ATF7IP2: variants seen among roughly 807,000 people sequenced by gnomAD.
ATF7IP2 encodes activating transcription factor 7 interacting protein 2.
Under a neutral mutation model 64.2 loss-of-function variants are expected in ATF7IP2, and 42 were observed. That is an observed-to-expected ratio of 0.65 (90% CI 0.51 to 0.85). The LOEUF is 0.85. Among genes scored for constraint, ATF7IP2 ranks in the 40% least tolerant of loss-of-function variants. ATF7IP2 has a pLI of 0.00. For synonymous variants in ATF7IP2, 308 were observed against 272.8 expected (o/e 1.13, Z -1.27); for missense variants, 933 against 784.2 (o/e 1.19, Z -2.27).
intron 1 of ATF7IP2, among the ~76,000 whole-genome samples, chr16:10,401,571 C>T (rs2047535717): frequency 1.3e-5 from 2 of 151,962 alleles, no homozygotes; most frequent in Non-Finnish European, 2.9e-5. Flanking sequence ...TCTTTTTTTG[C>T]TGTGTCCTTG....
chr16:10,434,408 C>T (rs150717422), intron 6 of ATF7IP2, among the ~76,000 whole-genome samples: 1 of 152,024 alleles, frequency 6.6e-6, no homozygotes, highest in African/African-American at 2.4e-5. Flanking sequence ...TGTAATGGAC[C>T]GAAATTTCCC....
At chr16:10,407,508 C>G (rs557744922) in intron 1 of ATF7IP2, among the ~76,000 whole-genome samples, 2 of 152,222 alleles carry the variant, frequency 1.3e-5, no homozygotes, top group Non-Finnish European at 2.9e-5. Flanking sequence ...ACTAGTAATA[C>G]TGATAAATTG....
Position 10,441,910 on chromosome 16 carries a change from A to G in ATF7IP2, c.1194+1448A>G, listed in dbSNP as rs1437972481. Among the ~76,000 whole-genome samples the G allele has an allele frequency of 4.6e-5, 7 of 152,370 alleles. No homozygotes were observed. The East Asian group carries it at 1.2e-3, about 25-fold the overall frequency. On this transcript the variant is annotated intron_variant, in intron 8 of 13. Transcript: ENST00000562102. ...GCACTCAGACAAAAGATTTCTCAACAAGGCAAATTTACTTCTGCAGAAAGG... is the reference window on the plus strand; with the variant it reads ...GCACTCAGACAAAAGATTTCTCAACGAGGCAAATTTACTTCTGCAGAAAGG...
rs1004591605 is a variant in ATF7IP2, at chr16:10,473,589, G to A, written c.1482+55G>A. ...GTTTATTTAAATATGTTAGTTCAAGGAACTTTAGTGTTTGCTACATGTTGG... is the reference window on the plus strand; with the variant it reads ...GTTTATTTAAATATGTTAGTTCAAGAAACTTTAGTGTTTGCTACATGTTGG... On this transcript the variant is annotated intron_variant, in intron 11 of 13. Coordinates refer to ENST00000562102, the MANE Select transcript of ATF7IP2 (RefSeq NM_001393719.1). The A allele has an allele frequency of 8.0e-6, 10 of 1,250,044 alleles. No individual in the cohort carries two copies. In the African/African-American group the frequency reaches 1.5e-4, roughly 19 times the overall value. 77.4% of individuals were successfully genotyped at this position (1,250,044 alleles called of 1,614,324 possible). A position where few individuals can be genotyped will look rare whatever the true frequency, so the allele number is the denominator to read the frequency against.
Position 10,482,041 on chromosome 16 carries a change from T to A in ATF7IP2, c.1841T>A (p.Phe614Tyr). The change falls in exon 14 of 14, where the codon TTC (phenylalanine) becomes TAC (tyrosine). Residue 614 changes from phenylalanine to tyrosine, a missense_variant. Physicochemically the swap from Phe to Tyr is conservative, Grantham distance 22 (BLOSUM62 3). Coordinates refer to ENST00000562102, the MANE Select transcript of ATF7IP2 (RefSeq NM_001393719.1). ...KCAPVESYHL[F>Y]LCHENSNNKL... ...GCTCCTGTAGAAAGCTACCACCTCTTCCTGTGTCATGAGAACTCTAATAAT... is the reference window on the plus strand; with the variant it reads ...GCTCCTGTAGAAAGCTACCACCTCTACCTGTGTCATGAGAACTCTAATAAT... The A allele has an allele frequency of 1.1e-5, 18 of 1,613,894 alleles. No individual in the cohort carries two copies. The highest frequency in any genetic ancestry group is 1.5e-5 in the Non-Finnish European group (18 of 1,179,826).
chr16:10,441,323 G>A (rs1276287845), intron 8 of ATF7IP2, among the ~76,000 whole-genome samples: 3 of 152,232 alleles, frequency 2.0e-5, no homozygotes, highest in South Asian at 4.1e-4. Flanking sequence ...TTGAGGAATC[G>A]CCACACTGTC....
At chr16:10,464,456 T>C (rs984660455) in intron 9 of ATF7IP2, among the ~76,000 whole-genome samples, 1 of 152,180 alleles carries the variant, frequency 6.6e-6, no homozygotes, top group Non-Finnish European at 1.5e-5. Flanking sequence ...CATTTCTGTT[T>C]TTAAAATCAG....
At chr16:10,407,215 G>A (rs1171430436) in intron 1 of ATF7IP2, among the ~76,000 whole-genome samples, 1 of 152,156 alleles carries the variant, frequency 6.6e-6, no homozygotes, top group Non-Finnish European at 1.5e-5. Context: ...GGGTATAGAA[G>A]GAATGTATCT....
chr16:10,473,442 T>C, intron 10 of ATF7IP2, 37 bp from the exon 11 acceptor site: 1 of 1,255,992 alleles, frequency 8.0e-7, no homozygotes, highest in African/African-American at 1.5e-5. Context: ...CCATAAATAT[T>C]GTGTAATAAA....
At chr16:10,427,236 C>T (rs1412670351) in intron 3 of ATF7IP2, among the ~76,000 whole-genome samples, 1 of 152,052 alleles carries the variant, frequency 6.6e-6, no homozygotes, top group Non-Finnish European at 1.5e-5. Context: ...AGGAAATAAC[C>T]AGGAATTTTT....
chr16:10,457,678 C>T, intron 9 of ATF7IP2, 149 bp downstream of exon 9: 1 of 609,118 alleles, frequency 1.6e-6, no homozygotes, highest in South Asian at 3.6e-5. Context: ...TATTATACTT[C>T]AGTTGTGGGG....
intron 9 of ATF7IP2, among the ~76,000 whole-genome samples, chr16:10,465,543 G>A (rs985272751): frequency 6.6e-6 from 1 of 151,582 alleles, no homozygotes; most frequent in Non-Finnish European, 1.5e-5. Context: ...TTTGACACCA[G>A]CCTGGGCAAC....
intron 2 of ATF7IP2, 136 bp from the exon 3 acceptor site, chr16:10,419,445 A>G (rs1332200341): frequency 6.4e-6 from 1 of 155,520 alleles, no homozygotes; most frequent in African/African-American, 2.4e-5. Flanking sequence ...AGTGGTGGAA[A>G]AGGTAAATAT....
At chr16:10,480,253 A>T (rs1488730385) in intron 12 of ATF7IP2, among the ~76,000 whole-genome samples, 1 of 152,088 alleles carries the variant, frequency 6.6e-6, no homozygotes, top group Non-Finnish European at 1.5e-5. Context: ...CTGGGATGAC[A>T]GATGTGAGCC....
intron 4 of ATF7IP2, among the ~76,000 whole-genome samples, chr16:10,429,390 A>G (rs1332870352): frequency 6.6e-6 from 1 of 152,258 alleles, no homozygotes; most frequent in African/African-American, 2.4e-5. Context: ...TCGCTCTGTC[A>G]TCCAGGCTGG....
chr16:10,400,831 G>A (rs558409474), intron 1 of ATF7IP2, among the ~76,000 whole-genome samples: 3 of 152,066 alleles, frequency 2.0e-5, no homozygotes, highest in Admixed American at 1.3e-4. Flanking sequence ...ACAGGTGCCC[G>A]CCACCATGCC....
intron 8 of ATF7IP2, chr16:10,447,701 A>G (rs1018572729): frequency 6.6e-6 from 1 of 152,206 alleles, no homozygotes; most frequent in African/African-American, 2.4e-5. Flanking sequence ...TTAGAATAGG[A>G]CAAAGAACCA....
At chr16:10,426,868 T>C (rs1419112361) in intron 3 of ATF7IP2, among the ~76,000 whole-genome samples, 2 of 152,198 alleles carry the variant, frequency 1.3e-5, no homozygotes, top group African/African-American at 4.8e-5. Flanking sequence ...GTTGTTTTTT[T>C]TTAAGACAGT....
chr16:10,405,428 G>A (rs1488809976), intron 1 of ATF7IP2, among the ~76,000 whole-genome samples: 2 of 152,052 alleles, frequency 1.3e-5, no homozygotes, highest in Non-Finnish European at 2.9e-5. Context: ...GGCAGAGCAA[G>A]GTGGCTGAAT....
Sources: gnomAD v4.1 joint callset for allele counts (sites outside exome capture counted in the v4.1 genomes callset) on GRCh38, gnomAD v4.1.1 for gene constraint, MANE v1.5 for transcripts, NCBI Gene and HGNC (gene_info 2026-07-23, HGNC 2026-07-21) for gene names.